Variants in CADM2 observed in about 807,000 individuals in gnomAD.
CADM2 encodes cell adhesion molecule 2, also known as immunoglobulin superfamily member 4D.
Under a neutral mutation model 49.8 loss-of-function variants are expected in CADM2, and 12 were observed. That is an observed-to-expected ratio of 0.24 (90% CI 0.15 to 0.39). The LOEUF is 0.39. Ranked by LOEUF, CADM2 falls within the 10% of genes least tolerant of loss-of-function variation. The pLI is 1.00. For missense variants in CADM2, 378 were observed against 492.3 expected, an observed-to-expected ratio of 0.77 and a Z score of 2.20; for synonymous variants, 214 against 175.4, an observed-to-expected ratio of 1.22 and a Z score of -1.74.
At chr3:85,282,204 G>A (rs116523886) in intron 1 of CADM2, among the ~76,000 whole-genome samples, 4,470 of 142,914 alleles carry the variant, frequency 0.031, 85 homozygotes, top group South Asian at 0.05. Flanking sequence ...AGATATTATT[G>A]TCTGTGCTGC....
In CADM2 at chr3:86,071,082, A is replaced by G. The variant is rs1398302784; in HGVS notation, c.*4299A>G. 6.6e-6 allele frequency: 1 copy of G among 151,960 alleles called. No homozygotes were observed. Among genetic ancestry groups the G allele is most frequent in the Non-Finnish European group, 1.5e-5 (1 of 67,840 alleles). The allele number at this position is 151,960 out of a possible 1,614,324, so 9.4% of individuals were successfully genotyped here. ...TAAGTTTTTCTTATTAATGTGACAC[A>G]GTAACATTTTTATTTGGATTAGTTT... On this transcript the variant is annotated 3_prime_UTR_variant, in exon 10 of 10. Transcript: ENST00000383699.
At chr3:85,458,356 A>C (rs1251646701) in intron 1 of CADM2, among the ~76,000 whole-genome samples, 1 of 152,192 alleles carries the variant, frequency 6.6e-6, no homozygotes, top group Admixed American at 6.5e-5. Flanking sequence ...TGTGGGAAGG[A>C]TATCTTTGAA....
chr3:85,685,224 C>A (rs2066166990), intron 1 of CADM2, among the ~76,000 whole-genome samples: 1 of 152,046 alleles, frequency 6.6e-6, no homozygotes, highest in Non-Finnish European at 1.5e-5. Flanking sequence ...TATTTCAGAC[C>A]CGTTGGTCTA....
chr3:85,148,543 T>A (rs1213461835), intron 1 of CADM2, among the ~76,000 whole-genome samples: 4 of 152,284 alleles, frequency 2.6e-5, no homozygotes, highest in Non-Finnish European at 4.4e-5. Flanking sequence ...GTATCCTGAA[T>A]GTTAAAGAAC....
intron 8 of CADM2, among the ~76,000 whole-genome samples, chr3:86,028,993 A>G (rs572728912): frequency 6.6e-6 from 1 of 152,302 alleles, no homozygotes; most frequent in Non-Finnish European, 1.5e-5. Flanking sequence ...GGATAGGGAT[A>G]CAATGAATTG....
Position 85,128,335 on chromosome 3 carries a change from T to G in CADM2, c.61+168667T>G, listed in dbSNP as rs998879413. On this transcript the variant is annotated intron_variant, in intron 1 of 9. Coordinates refer to ENST00000383699, the MANE Select transcript of CADM2 (RefSeq NM_001167675.2). Reference sequence around the variant, plus strand: ...CTTGCAATCAATATAGGAGAAAAGTTTTGCTGTATTCATTTATATGAAGAA... The same window carrying G: ...CTTGCAATCAATATAGGAGAAAAGTGTTGCTGTATTCATTTATATGAAGAA... 5.3e-5 allele frequency among the ~76,000 whole-genome samples: 8 copies of G among 152,312 alleles called. No individual in the cohort carries two copies. The South Asian group carries it at 1.2e-3, about 24-fold the overall frequency.
rs572951820 is a variant in CADM2 at position 85,132,051 on chromosome 3, G to T, written c.61+172383G>T. ...AAATATGTTTTGTTATGTCTTAAGA[G>T]ATATTATTTGTGGTGAGAATGTTTT... On this transcript the variant is annotated intron_variant, in intron 1 of 9. Coordinates refer to ENST00000383699, the MANE Select transcript of CADM2 (RefSeq NM_001167675.2). Among the ~76,000 whole-genome samples the T allele has an allele frequency of 6.6e-5, 10 of 152,264 alleles. 1 individual carries two copies. The highest frequency in any genetic ancestry group is 2.2e-4 in the African/African-American group (9 of 41,544).
chr3:85,880,721 G>T (rs1461395857), intron 3 of CADM2, among the ~76,000 whole-genome samples: 1 of 152,118 alleles, frequency 6.6e-6, no homozygotes, highest in Non-Finnish European at 1.5e-5. Flanking sequence ...CAAGAAGTTT[G>T]TTTATATAGT....
In CADM2 at chr3:86,073,224, T is replaced by C. The variant is rs1401687615; in HGVS notation, c.*6441T>C. ...TGAAAACGGTATCCAGAAACGCAGG[T>C]GTTCCCAGTAATGTAGCTTCAAAAA... On this transcript the variant is annotated 3_prime_UTR_variant, in exon 10 of 10. Coordinates refer to ENST00000383699, the MANE Select transcript of CADM2 (RefSeq NM_001167675.2). The C allele has an allele frequency of 6.6e-6, 1 of 152,018 alleles. No homozygotes were observed. Among genetic ancestry groups the C allele is most frequent in the Non-Finnish European group, 1.5e-5 (1 of 67,934 alleles). The allele number at this position is 152,018 out of a possible 1,614,324, so 9.4% of individuals were successfully genotyped here.
At chr3:85,868,048 A>C (rs188717355) in intron 3 of CADM2, among the ~76,000 whole-genome samples, 54 of 152,160 alleles carry the variant, frequency 3.5e-4, no homozygotes, top group Admixed American at 3.0e-3. Context: ...TTTTTATTTT[A>C]TATCTTCTCA....
At chr3:85,969,007 G>A (rs117750080) in intron 8 of CADM2, among the ~76,000 whole-genome samples, 338 of 151,578 alleles carry the variant, frequency 2.2e-3, no homozygotes, top group South Asian at 8.9e-3. Flanking sequence ...TCATCACGAA[G>A]TTCCATCAAC....
At chr3:85,197,321 T>C (rs1473439305) in intron 1 of CADM2, among the ~76,000 whole-genome samples, 1 of 151,918 alleles carries the variant, frequency 6.6e-6, no homozygotes, top group Non-Finnish European at 1.5e-5. Context: ...CTTAACAGGG[T>C]AACCTCACTA....
rs1310671629 is a variant in CADM2, at chr3:84,997,285, C to G, written c.61+37617C>G. On this transcript the variant is annotated intron_variant, in intron 1 of 9. Coordinates refer to ENST00000383699, the MANE Select transcript of CADM2 (RefSeq NM_001167675.2). ...AAGGGTATCACTCTCATTGTCATCACAAGATTCACATGATGCATTTTTAGA... is the reference window on the plus strand; with the variant it reads ...AAGGGTATCACTCTCATTGTCATCAGAAGATTCACATGATGCATTTTTAGA... Among the ~76,000 whole-genome samples, 3 of 152,034 alleles carry G rather than the reference C, an allele frequency of 2.0e-5. 1 individual carries two copies. The highest frequency in any genetic ancestry group is 4.4e-5 in the Non-Finnish European group (3 of 67,974).
chr3:85,448,862 A>G (rs1181493810), intron 1 of CADM2, among the ~76,000 whole-genome samples: 1 of 151,698 alleles, frequency 6.6e-6, no homozygotes, highest in African/African-American at 2.4e-5. Flanking sequence ...CATCCTGGCT[A>G]ACACGGTGAA....
At chr3:85,251,756 C>A (rs894576207) in intron 1 of CADM2, among the ~76,000 whole-genome samples, 16 of 151,882 alleles carry the variant, frequency 1.1e-4, no homozygotes, top group African/African-American at 3.9e-4. Flanking sequence ...GGCAGAGAAA[C>A]CACATTTTAC....
rs1578107652 is a variant in CADM2, at chr3:86,066,659, A to G, written c.1097-6A>G. On this transcript the variant is annotated splice_polypyrimidine_tract_variant and splice_region_variant and intron_variant, in intron 9 of 9. Transcript: ENST00000383699. ...AGCTAACATATTTTTCTTCCAATAT[A>G]TGCAGGAACGTATTTAACAAATGAA... 15 of 1,588,242 alleles carry G rather than the reference A, an allele frequency of 9.4e-6. No individual in the cohort carries two copies. In the East Asian group the frequency reaches 3.4e-4, roughly 36 times the overall value.
intron 5 of CADM2, among the ~76,000 whole-genome samples, chr3:85,897,560 C>T (rs919725682): frequency 6.6e-6 from 1 of 151,874 alleles, no homozygotes; most frequent in Admixed American, 6.6e-5. Flanking sequence ...TGAGCCACCG[C>T]GCCCGGCCTA....
At chr3:86,008,821 A>C (rs1402603656) in intron 8 of CADM2, among the ~76,000 whole-genome samples, 1 of 147,652 alleles carries the variant, frequency 6.8e-6, no homozygotes, top group Non-Finnish European at 1.5e-5. Flanking sequence ...AAATGCTATT[A>C]ATTTTGACGA....
At chr3:85,152,751 A>G (rs1292859010) in intron 1 of CADM2, among the ~76,000 whole-genome samples, 2 of 151,974 alleles carry the variant, frequency 1.3e-5, no homozygotes, top group African/African-American at 4.8e-5. Flanking sequence ...AGGTCAGGAG[A>G]TCGAGACCAT....
Sources: allele counts gnomAD v4.1 joint callset (sites outside exome capture counted in the v4.1 genomes callset), GRCh38; gene constraint gnomAD v4.1.1; transcripts MANE v1.5; gene names NCBI Gene and HGNC (gene_info 2026-07-23, HGNC 2026-07-21).